Variants in PHF24 observed in about 807,000 individuals in gnomAD.
The protein encoded by PHF24 is PHD finger protein 24, also known as Galpha inhibitory interacting protein.
PHF24 carries 25 observed loss-of-function variants against 42.6 expected under a neutral mutation model. The ratio of observed to expected loss-of-function variants is 0.59; its 90% CI spans 0.43 to 0.82. The LOEUF (loss-of-function observed/expected upper bound fraction) is 0.82. Ranked by LOEUF, PHF24 falls within the 40% of genes least tolerant of loss-of-function variation. The probability of loss-of-function intolerance (pLI) is 0.00; values close to 1 mark genes in which losing one functional copy is unlikely to be tolerated. For synonymous variants in PHF24, 185 were observed against 204.8 expected (o/e 0.90, Z 0.83); for missense variants, 470 against 538.1 (o/e 0.87, Z 1.25).
chr9:34,826,188 G>C, the PHF24 span, among the ~76,000 whole-genome samples: 10 of 152,106 alleles, frequency 6.6e-5, no homozygotes, highest in Non-Finnish European at 1.3e-4. Context: ...CTGTCTCCGG[G>C]CATGAGAATG....
chr9:34,852,410 C>A, the PHF24 span, among the ~76,000 whole-genome samples: 15 of 152,156 alleles, frequency 9.9e-5, no homozygotes, highest in African/African-American at 2.7e-4. Flanking sequence ...TAATTAGCAT[C>A]CTTTCTTTCA....
At chr9:34,977,514 C>T (rs1827239327) in intron 6 of PHF24, 32 bp from the exon 7 acceptor site, 13 of 1,577,466 alleles carry the variant, frequency 8.2e-6, no homozygotes, top group African/African-American at 1.4e-5. Context: ...TTCACTATCC[C>T]ACTCCTAACC....
the PHF24 span, among the ~76,000 whole-genome samples, chr9:34,698,261 G>A: frequency 3.9e-5 from 6 of 152,018 alleles, no homozygotes; most frequent in Non-Finnish European, 7.4e-5. Context: ...TTTCACAGGC[G>A]GATTCTATAA....
the PHF24 span, among the ~76,000 whole-genome samples, chr9:34,705,362 C>T: frequency 2.6e-4 from 39 of 152,010 alleles, no homozygotes; most frequent in African/African-American, 8.2e-4. Context: ...CTTTTTAGCC[C>T]AGGCTATATG....
At chr9:34,889,374 G>A in the PHF24 span, 8 of 398,504 alleles carry the variant, frequency 2.0e-5, no homozygotes, top group Non-Finnish European at 2.7e-5. Flanking sequence ...TTAGGCACTG[G>A]GGGCATCACA....
At chr9:34,955,404 G>A (rs56202821), upstream of PHF24, among the ~76,000 whole-genome samples, 3,440 of 63,570 alleles carry the variant, frequency 0.054, 58 homozygotes, top group East Asian at 0.34. Flanking sequence ...AGGGCCAGCC[G>A]CAAGTGGCTC....
At chr9:34,969,754 C>T (rs577494545) in intron 1 of PHF24, among the ~76,000 whole-genome samples, 1 of 152,242 alleles carries the variant, frequency 6.6e-6, no homozygotes, top group African/African-American at 2.4e-5. Flanking sequence ...GTAACAGATA[C>T]ACTCAGTCAG....
the PHF24 span, among the ~76,000 whole-genome samples, chr9:34,906,511 C>T: frequency 6.6e-6 from 1 of 152,014 alleles, no homozygotes; most frequent in Non-Finnish European, 1.5e-5. Context: ...CTTCCTGATG[C>T]TTTGACATGG....
chr9:34,740,002 C>G, the PHF24 span, among the ~76,000 whole-genome samples: 4 of 152,156 alleles, frequency 2.6e-5, no homozygotes, highest in African/African-American at 7.2e-5. Flanking sequence ...TAGCTAGATA[C>G]AGAGTGTCGA....
chr9:34,766,729 TC>T, the PHF24 span, among the ~76,000 whole-genome samples: 1 of 152,252 alleles, frequency 6.6e-6, no homozygotes, highest in East Asian at 1.9e-4. Flanking sequence ...CCAGCTTTGT[TC>T]CGTTGCTGGT....
the PHF24 span, among the ~76,000 whole-genome samples, chr9:34,852,130 C>G: frequency 6.6e-6 from 1 of 152,162 alleles, no homozygotes; most frequent in Non-Finnish European, 1.5e-5. Flanking sequence ...TATAATGATC[C>G]ACTTCCACTT....
At chr9:34,903,537 G>A in the PHF24 span, among the ~76,000 whole-genome samples, 245 of 152,318 alleles carry the variant, frequency 1.6e-3, no homozygotes, top group African/African-American at 5.0e-3. Flanking sequence ...CTGCATTCCA[G>A]CCCAAGCTAC....
chr9:34,852,336 T>TG, the PHF24 span, among the ~76,000 whole-genome samples: 7 of 152,168 alleles, frequency 4.6e-5, no homozygotes, highest in African/African-American at 1.2e-4. Context: ...TTCAACTGCA[T>TG]GGGGGGGTCA....
chr9:34,841,444 T>G, the PHF24 span, among the ~76,000 whole-genome samples: 1 of 152,246 alleles, frequency 6.6e-6, no homozygotes. Flanking sequence ...TTTTCAGTCC[T>G]TTTGAGTATA....
the PHF24 span, among the ~76,000 whole-genome samples, chr9:34,845,987 T>G: frequency 2.6e-5 from 4 of 151,806 alleles, no homozygotes; most frequent in Admixed American, 2.6e-4. Flanking sequence ...ATTTTCTTAA[T>G]CCAGTCTATC....
chr9:34,760,702 G>C, the PHF24 span, among the ~76,000 whole-genome samples: 18 of 152,342 alleles, frequency 1.2e-4, no homozygotes, highest in Admixed American at 7.2e-4. Flanking sequence ...GCCCCGCCAG[G>C]GGTCCTGGGC....
At chr9:34,713,854 T>C in the PHF24 span, among the ~76,000 whole-genome samples, 3 of 152,086 alleles carry the variant, frequency 2.0e-5, no homozygotes, top group Non-Finnish European at 2.9e-5. Flanking sequence ...CATCTTGTTT[T>C]TTGAAGGATG....
chr9:34,868,324 T>C, the PHF24 span, among the ~76,000 whole-genome samples: 1 of 152,360 alleles, frequency 6.6e-6, no homozygotes, highest in South Asian at 2.1e-4. Context: ...TAACATTCAT[T>C]CAACAAAGTA....
chr9:34,887,913 A>G, the PHF24 span, among the ~76,000 whole-genome samples: 1 of 152,158 alleles, frequency 6.6e-6, no homozygotes, highest in South Asian at 2.1e-4. Flanking sequence ...TATTTATTGA[A>G]GGAATGAAGA....
Sources: gnomAD v4.1 joint callset for allele counts (sites outside exome capture counted in the v4.1 genomes callset) on GRCh38, gnomAD v4.1.1 for gene constraint, MANE v1.5 for transcripts, NCBI Gene and HGNC (gene_info 2026-07-23, HGNC 2026-07-21) for gene names.